The following NOX4 variants were observed in gnomAD, a reference collection of about 807,000 sequenced individuals.
The protein encoded by NOX4 is NADPH oxidase 4.
Under a neutral mutation model 87.6 loss-of-function variants are expected in NOX4, and 69 were observed. The ratio of observed to expected loss-of-function variants is 0.79; its 90% CI spans 0.65 to 0.96. NOX4 has a LOEUF of 0.96. Among genes scored for constraint, NOX4 ranks in the 40% least tolerant of loss-of-function variants. The pLI, the probability that NOX4 is intolerant of heterozygous loss-of-function variation, is 0.00. For missense variants in NOX4, 680 were observed against 681.5 expected, an observed-to-expected ratio of 1.00 and a Z score of 0.02; for synonymous variants, 275 against 238.2, an observed-to-expected ratio of 1.15 and a Z score of -1.42.
At chr11:89,554,354 T>C in the NOX4 span, among the ~76,000 whole-genome samples, 1 of 152,172 alleles carries the variant, frequency 6.6e-6, no homozygotes, top group South Asian at 2.1e-4. Context: ...TATTCCATCC[T>C]AGCTCTATCA....
At position 89,326,872 on chromosome 11, in the gene NOX4, T is replaced by A; in HGVS notation, c.1621A>T (p.Thr541Ser). Residue 541 changes from threonine to serine, a missense_variant, in exon 18 of 18, where the codon ACA becomes TCA. By Grantham distance (58) the Thr-to-Ser change is moderately conservative. Coordinates refer to ENST00000263317, the MANE Select transcript of NOX4 (RefSeq NM_016931.5). ...GGTCCACAACAGAAAACACCAACTG[T>A]TTTTCTAGAACAAGAGCAGAGAAAA... The part of the protein sequence containing the change: ...DEIAKYNRGK[T>S]VGVFCCGPNS... 3 of 1,612,808 alleles carry A rather than the reference T, an allele frequency of 1.9e-6. No individual in the cohort carries two copies. Among genetic ancestry groups the A allele is most frequent in the Non-Finnish European group, 2.5e-6 (3 of 1,179,362 alleles).
intron 12 of NOX4, among the ~76,000 whole-genome samples, chr11:89,356,916 C>G (rs1236086947): frequency 2.0e-5 from 3 of 152,122 alleles, no homozygotes; most frequent in African/African-American, 7.2e-5. Flanking sequence ...CCATGAACAG[C>G]AAGTGGACCC....
intron 12 of NOX4, among the ~76,000 whole-genome samples, chr11:89,372,215 C>G (rs1195795919): frequency 1.3e-5 from 2 of 151,806 alleles, no homozygotes; most frequent in Non-Finnish European, 2.9e-5. Context: ...CTTTAAGTAC[C>G]TTCAAGTCTT....
chr11:89,515,766 C>T, the NOX4 span, among the ~76,000 whole-genome samples: 4 of 151,804 alleles, frequency 2.6e-5, no homozygotes, highest in Non-Finnish European at 5.9e-5. Flanking sequence ...TCATTTTCTT[C>T]CAGATAGAAT....
At chr11:89,346,526 G>A (rs1445808905) in intron 13 of NOX4, among the ~76,000 whole-genome samples, 1 of 146,292 alleles carries the variant, frequency 6.8e-6, no homozygotes, top group Non-Finnish European at 1.5e-5. Flanking sequence ...AAAAACTAAA[G>A]AGTCTGAAAA....
At chr11:89,570,486 C>A in the NOX4 span, among the ~76,000 whole-genome samples, 1 of 152,108 alleles carries the variant, frequency 6.6e-6, no homozygotes, top group Non-Finnish European at 1.5e-5. Flanking sequence ...ATATGTACCC[C>A]TCGAACCTAA....
At chr11:89,369,929 G>GA (rs369089490) in intron 12 of NOX4, among the ~76,000 whole-genome samples, 10,673 of 146,410 alleles carry the variant, frequency 0.073, 543 homozygotes, top group Admixed American at 0.15. Context: ...TTCCAAAAAT[G>GA]AAAAAAAAAA....
chr11:89,391,231 G>A (rs756788352), intron 11 of NOX4, among the ~76,000 whole-genome samples: 3 of 152,136 alleles, frequency 2.0e-5, no homozygotes, highest in Non-Finnish European at 2.9e-5. Flanking sequence ...GTGTACATGG[G>A]ATGCTCATAA....
In NOX4 at chr11:89,336,077, C is replaced by T. The variant is rs878997924; in HGVS notation, c.1516-132G>A. ...AAGAATGTAAGTATCAAATGGCAACCTATCACGTACAATTATTTCAAAATA... is the reference window on the plus strand; with the variant it reads ...AAGAATGTAAGTATCAAATGGCAACTTATCACGTACAATTATTTCAAAATA... On this transcript the variant is annotated intron_variant, in intron 16 of 17. Transcript: ENST00000263317. 26 of 463,366 alleles carry T rather than the reference C, an allele frequency of 5.6e-5. 1 individual carries two copies. The Admixed American group carries it at 9.1e-4, about 16-fold the overall frequency. The allele number at this position is 463,366 out of a possible 1,614,324, so 28.7% of individuals were successfully genotyped here.
chr11:89,585,301 T>C, the NOX4 span, among the ~76,000 whole-genome samples: 1 of 152,150 alleles, frequency 6.6e-6, no homozygotes, highest in Non-Finnish European at 1.5e-5. Context: ...TTCTTACCTC[T>C]CTTAAAATTC....
At chr11:89,521,381 A>C in the NOX4 span, among the ~76,000 whole-genome samples, 1 of 152,052 alleles carries the variant, frequency 6.6e-6, no homozygotes, top group Admixed American at 6.6e-5. Flanking sequence ...AAAGCCACCC[A>C]CCTATAGCCA....
At chr11:89,575,659 T>A in the NOX4 span, among the ~76,000 whole-genome samples, 2 of 152,180 alleles carry the variant, frequency 1.3e-5, no homozygotes, top group African/African-American at 4.8e-5. Context: ...TTTTTGTTTC[T>A]GTTTTTTACT....
At chr11:89,371,607 C>G (rs1189450811) in intron 12 of NOX4, among the ~76,000 whole-genome samples, 7 of 151,674 alleles carry the variant, frequency 4.6e-5, no homozygotes, top group African/African-American at 9.7e-5. Flanking sequence ...CCATTCATGA[C>G]TGAATTTAAT....
intron 9 of NOX4, 125 bp from the exon 10 acceptor site, chr11:89,400,504 CAT>C (rs1591124571): frequency 3.3e-6 from 2 of 599,548 alleles, no homozygotes; most frequent in East Asian, 6.5e-5. Context: ...AATAAGAAAA[CAT>C]AACAAATGAG....
At chr11:89,551,992 CT>C in the NOX4 span, among the ~76,000 whole-genome samples, 1 of 152,076 alleles carries the variant, frequency 6.6e-6, no homozygotes, top group Non-Finnish European at 1.5e-5. Context: ...CACACACACA[CT>C]CACACACATA....
upstream of NOX4, among the ~76,000 whole-genome samples, chr11:89,500,804 C>T (rs566349413): frequency 5.3e-5 from 8 of 152,202 alleles, no homozygotes; most frequent in African/African-American, 1.9e-4. Flanking sequence ...TGGTTCACTT[C>T]TTTAATGTTA....
intron 5 of NOX4, among the ~76,000 whole-genome samples, chr11:89,442,843 T>C (rs1048117488): frequency 6.6e-6 from 1 of 152,056 alleles, no homozygotes; most frequent in East Asian, 1.9e-4. Context: ...TTAAAGTTAT[T>C]AAAGACATGA....
chr11:89,573,479 C>A, the NOX4 span, among the ~76,000 whole-genome samples: 1 of 152,204 alleles, frequency 6.6e-6, no homozygotes, highest in Admixed American at 6.5e-5. Context: ...GCGGAGCTTG[C>A]AGTGAGCCGA....
chr11:89,400,209 A>T lies in NOX4; in HGVS notation c.1011+6T>A, dbSNP rs753741485. The T allele has an allele frequency of 1.2e-6, 2 of 1,611,012 alleles. No homozygotes were observed. Among genetic ancestry groups the T allele is most frequent in the Non-Finnish European group, 1.7e-6 (2 of 1,178,232 alleles). On this transcript the variant is annotated splice_donor_region_variant and intron_variant, in intron 10 of 17. Transcript: ENST00000263317. Reference sequence around the variant, plus strand: ...CTATTTAAAAAGTTGCTGACCACTGACTCACCTGACCAGGTCTTGCTTTAA... The same window carrying T: ...CTATTTAAAAAGTTGCTGACCACTGTCTCACCTGACCAGGTCTTGCTTTAA...
Sources: gnomAD v4.1 joint callset for allele counts (sites outside exome capture counted in the v4.1 genomes callset) on GRCh38, gnomAD v4.1.1 for gene constraint, MANE v1.5 for transcripts, NCBI Gene and HGNC (gene_info 2026-07-23, HGNC 2026-07-21) for gene names.